ARHGAP1: variants seen among roughly 807,000 people sequenced by gnomAD.
The protein encoded by ARHGAP1 is rho GTPase-activating protein 1.
In ARHGAP1, 23 loss-of-function variants were observed where a neutral mutation model predicts 52.2. The observed-to-expected ratio is 0.44, with a 90% confidence interval of 0.32 to 0.62. The LOEUF is 0.62. Ranked by LOEUF, ARHGAP1 falls within the 20% of genes least tolerant of loss-of-function variation. ARHGAP1 has a pLI of 0.05. For synonymous variants in ARHGAP1, 210 were observed against 228.4 expected, an observed-to-expected ratio of 0.92 and a Z score of 0.73; for missense variants, 480 against 560.9, an observed-to-expected ratio of 0.86 and a Z score of 1.46.
In ARHGAP1 at chr11:46,680,971, C is replaced by T. The variant is rs1304459047; in HGVS notation, c.635+40G>A. ...TGAATCAGGACACACGTCCTCATTACCCTGGCTTCACGAGCCCCCAGCCGC... is the reference window on the plus strand; with the variant it reads ...TGAATCAGGACACACGTCCTCATTATCCTGGCTTCACGAGCCCCCAGCCGC... On this transcript the variant is annotated intron_variant, in intron 7 of 12. Transcript: ENST00000311956. This position sits in a 1 kb window ranked among gnomAD's most constrained non-coding sequence, Gnocchi z 5.9. The T allele has an allele frequency of 3.2e-6, 5 of 1,572,140 alleles. No individual in the cohort carries two copies. Among genetic ancestry groups the T allele is most frequent in the Non-Finnish European group, 3.5e-6 (4 of 1,144,754 alleles).
chr11:46,693,879 A>G (rs1321099778), intron 3 of ARHGAP1, among the ~76,000 whole-genome samples: 1 of 152,204 alleles, frequency 6.6e-6, no homozygotes, highest in African/African-American at 2.4e-5. Context: ...TGCAAATGCT[A>G]CAAATCATGG....
In ARHGAP1 at chr11:46,680,598, C is replaced by A; in HGVS notation, c.744-35G>T. 3 of 1,612,194 alleles carry A rather than the reference C, an allele frequency of 1.9e-6. No individual in the cohort carries two copies. The highest frequency in any genetic ancestry group is 2.2e-5 in the East Asian group (1 of 44,870). ...AAAGGCTGGTGAGCCGGGCCTGCAG[C>A]CCTTCCCGCCCCGCCGTGGCCCAGC... On this transcript the variant is annotated intron_variant, in intron 8 of 12. Transcript: ENST00000311956. This position sits in a 1 kb window ranked among gnomAD's most constrained non-coding sequence, Gnocchi z 5.9.
At position 46,677,922 on chromosome 11, in the gene ARHGAP1, G is replaced by A. The variant is rs569864031; in HGVS notation, c.*1115C>T. The A allele has an allele frequency of 3.5e-5, 15 of 432,678 alleles. No homozygotes were observed. Among genetic ancestry groups the A allele is most frequent in the Admixed American group, 2.5e-4 (9 of 36,538 alleles). The allele number at this position is 432,678 out of a possible 1,614,324, so 26.8% of individuals were successfully genotyped here. On this transcript the variant is annotated 3_prime_UTR_variant, in exon 13 of 13. Transcript: ENST00000311956. ...TCGCGCCACTGCACTCCAGCCTGGT[G>A]ACAGAGCGAGACTCCATCTCAGAAA...
At chr11:46,699,013 T>C (rs888056256) in intron 1 of ARHGAP1, among the ~76,000 whole-genome samples, 1 of 152,178 alleles carries the variant, frequency 6.6e-6, no homozygotes, top group African/African-American at 2.4e-5. Context: ...TACACCCAAC[T>C]CTGAGATTAA....
In ARHGAP1 at chr11:46,681,911, G is replaced by T; in HGVS notation, c.449+140C>A. On this transcript the variant is annotated intron_variant, in intron 5 of 12. Coordinates refer to ENST00000311956, the MANE Select transcript of ARHGAP1 (RefSeq NM_004308.5). This position sits in a 1 kb window ranked among gnomAD's most constrained non-coding sequence, Gnocchi z 5.7. ...TTAAGCCCAGGGTGATCTGACTGCAGATTCTTTACATTGACGTAGACGGCA... is the reference window on the plus strand; with the variant it reads ...TTAAGCCCAGGGTGATCTGACTGCATATTCTTTACATTGACGTAGACGGCA... The T allele has an allele frequency of 8.2e-7, 1 of 1,217,530 alleles. No homozygotes were observed. Among genetic ancestry groups the T allele is most frequent in the Non-Finnish European group, 1.1e-6 (1 of 881,070 alleles). 75.4% of individuals were successfully genotyped at this position (1,217,530 alleles called of 1,614,324 possible). A position where few individuals can be genotyped will look rare whatever the true frequency, so the allele number is the denominator to read the frequency against.
chr11:46,688,300 G>T lies in ARHGAP1; in HGVS notation c.230-40C>A, dbSNP rs763676591. 1.9e-6 allele frequency: 3 copies of T among 1,576,446 alleles called. No homozygotes were observed. The South Asian group carries it at 3.4e-5, about 18-fold the overall frequency. ...AGATGGAGCACAGTGGGTTGAAGGG[G>T]AACCAAAAGAAGTGGGGTGAGGAAC... On this transcript the variant is annotated intron_variant, in intron 3 of 12. Transcript: ENST00000311956.
At chr11:46,695,459 T>C in intron 3 of ARHGAP1, 1 of 674,516 alleles carries the variant, frequency 1.5e-6, no homozygotes, top group Non-Finnish European at 2.7e-6. Flanking sequence ...AAGGAAGAAA[T>C]TAGAGTTCAA....
At position 46,678,935 on chromosome 11, in the gene ARHGAP1, G is replaced by T; in HGVS notation, c.*102C>A. The T allele has an allele frequency of 7.6e-7, 1 of 1,313,300 alleles. No individual in the cohort carries two copies. The highest frequency in any genetic ancestry group is 1.0e-6 in the Non-Finnish European group (1 of 955,958). 81.4% of individuals were successfully genotyped at this position (1,313,300 alleles called of 1,614,324 possible). On this transcript the variant is annotated 3_prime_UTR_variant, in exon 13 of 13. Coordinates refer to ENST00000311956, the MANE Select transcript of ARHGAP1 (RefSeq NM_004308.5). The stretch of plus-strand genomic sequence containing the variant: ...TGGGGGAGAGCATGCCTGATGGGTG[G>T]CTCCAACATCTCTCTCCAGGGGGCT...
In ARHGAP1 at chr11:46,696,519, C is replaced by T. The variant is rs2064656137; in HGVS notation, c.-49-363G>A. Among the ~76,000 whole-genome samples the T allele has an allele frequency of 1.3e-5, 2 of 152,206 alleles. No homozygotes were observed. Among genetic ancestry groups the T allele is most frequent in the South Asian group, 4.1e-4 (2 of 4,828 alleles). ...GTCCACGCCCCTCGCCTCAGGAGAC[C>T]TGGACACAGAAGCCTCCCAGGCTCT... On this transcript the variant is annotated intron_variant, in intron 1 of 12. Transcript: ENST00000311956. This position sits in a 1 kb window ranked among gnomAD's most constrained non-coding sequence, Gnocchi z 4.8.
At chr11:46,695,434 A>G in intron 3 of ARHGAP1, 1 of 630,396 alleles carries the variant, frequency 1.6e-6, no homozygotes, top group East Asian at 3.2e-5. Flanking sequence ...ACATGCATTC[A>G]TTATTGTAAC....
rs534826702 is a variant in ARHGAP1, at chr11:46,677,978, T to A, written c.*1059A>T. On this transcript the variant is annotated 3_prime_UTR_variant, in exon 13 of 13. Coordinates refer to ENST00000311956, the MANE Select transcript of ARHGAP1 (RefSeq NM_004308.5). The stretch of plus-strand genomic sequence containing the variant: ...AAAAAAAGGTGGCCCTAGAGCCCCT[T>A]AATCCCCTGGGGAAATTGCTAGAAC... 1 of 433,158 alleles carries A rather than the reference T, an allele frequency of 2.3e-6. No homozygotes were observed. Among genetic ancestry groups the A allele is most frequent in the Admixed American group, 2.8e-5 (1 of 36,148 alleles). 26.8% of individuals were successfully genotyped at this position (433,158 alleles called of 1,614,324 possible).
intron 3 of ARHGAP1, among the ~76,000 whole-genome samples, chr11:46,692,029 A>C (rs1283844311): frequency 2.0e-5 from 3 of 152,218 alleles, no homozygotes; most frequent in African/African-American, 7.2e-5. Context: ...GTGCAGCTCC[A>C]TCCCGGCAGG....
chr11:46,699,442 C>T (rs867979934), intron 1 of ARHGAP1, among the ~76,000 whole-genome samples: 3 of 152,256 alleles, frequency 2.0e-5, no homozygotes, highest in African/African-American at 4.8e-5. Context: ...CGGTGGTTCA[C>T]GGCTGTAATC....
intron 3 of ARHGAP1, among the ~76,000 whole-genome samples, chr11:46,694,500 G>A (rs1274994597): frequency 6.6e-6 from 1 of 152,186 alleles, no homozygotes; most frequent in African/African-American, 2.4e-5. Flanking sequence ...CTCTGTGCGG[G>A]GGTTGTGGGG....
Position 46,681,394 on chromosome 11 carries a change from T to A in ARHGAP1, c.450-15A>T. The A allele has an allele frequency of 6.3e-7, 1 of 1,587,100 alleles. No individual in the cohort carries two copies. Among genetic ancestry groups the A allele is most frequent in the Non-Finnish European group, 8.7e-7 (1 of 1,155,658 alleles). The stretch of plus-strand genomic sequence containing the variant: ...TTTTCTTGTACCTGCAGAGACAGAA[T>A]GGACAACTCAGGAGCAGGCGTGGTG... On this transcript the variant is annotated splice_polypyrimidine_tract_variant and intron_variant, in intron 5 of 12. Transcript: ENST00000311956. This position sits in a 1 kb window ranked among gnomAD's most constrained non-coding sequence, Gnocchi z 5.7.
Position 46,681,163 on chromosome 11 carries a change from ACTC to A in ARHGAP1, c.537-57_537-55del. On this transcript the variant is annotated intron_variant, in intron 6 of 12. Coordinates refer to ENST00000311956, the MANE Select transcript of ARHGAP1 (RefSeq NM_004308.5). The surrounding 1 kb of genome is among the most constrained non-coding windows in gnomAD (Gnocchi z 5.7). ...TGGGGGCCCGCTTCCGGTGGCCTCC[ACTC>A]TCCCCTCAACACCCACCCAGTTCAG... 1 of 1,565,168 alleles carries A rather than the reference ACTC, an allele frequency of 6.4e-7. No individual in the cohort carries two copies. The highest frequency in any genetic ancestry group is 1.1e-5 in the South Asian group (1 of 89,964).
chr11:46,689,243 C>A (rs1327487271), intron 3 of ARHGAP1, among the ~76,000 whole-genome samples: 3 of 152,034 alleles, frequency 2.0e-5, no homozygotes, highest in Non-Finnish European at 4.4e-5. Context: ...AACATTATGC[C>A]AAGTGAAAGC....
chr11:46,694,193 C>T (rs1003603934), intron 3 of ARHGAP1, among the ~76,000 whole-genome samples: 1 of 152,180 alleles, frequency 6.6e-6, no homozygotes, highest in Non-Finnish European at 1.5e-5. Flanking sequence ...CAGACCCTCC[C>T]GCAAGCTCCT....
Position 46,677,935 on chromosome 11 carries a change from T to C in ARHGAP1, c.*1102A>G, listed in dbSNP as rs572398062. On this transcript the variant is annotated 3_prime_UTR_variant, in exon 13 of 13. Coordinates refer to ENST00000311956, the MANE Select transcript of ARHGAP1 (RefSeq NM_004308.5). ...CTCCAGCCTGGTGACAGAGCGAGAC[T>C]CCATCTCAGAAAAAAAAAAAAAAAG... 5.4e-3 allele frequency: 2,275 copies of C among 421,718 alleles called. 30 individuals are homozygous for C. Among genetic ancestry groups the C allele is most frequent in the South Asian group, 0.015 (920 of 61,000 alleles). 26.1% of individuals were successfully genotyped at this position (421,718 alleles called of 1,614,324 possible). A position where few individuals can be genotyped will look rare whatever the true frequency, so the allele number is the denominator to read the frequency against.
Sources: allele counts gnomAD v4.1 joint callset (sites outside exome capture counted in the v4.1 genomes callset), GRCh38; gene constraint gnomAD v4.1.1; non-coding constraint Gnocchi (gnomAD v3.1); transcripts MANE v1.5; gene names NCBI Gene and HGNC (gene_info 2026-07-23, HGNC 2026-07-21).